The following HMCN1 variants were observed in gnomAD, a reference collection of about 807,000 sequenced individuals.
The protein encoded by HMCN1 is hemicentin 1, also known as hemicentin-1.
HMCN1 carries 321 observed loss-of-function variants against 625.9 expected under a neutral mutation model. The observed-to-expected ratio is 0.51, with a 90% CI of 0.47 to 0.56. The LOEUF (loss-of-function observed/expected upper bound fraction) is 0.56, where lower values mean the gene tolerates loss of function less well. HMCN1 is among the 20% of genes least tolerant of loss of function. The pLI is 0.00. For synonymous variants in HMCN1, 2,425 were observed against 2,417.6 expected (o/e 1.00, Z -0.09); for missense variants, 6,588 against 6,887.3 (o/e 0.96, Z 1.54).
chr1:185,923,941 C>T (rs1667132593), intron 8 of HMCN1, among the ~76,000 whole-genome samples: 2 of 152,140 alleles, frequency 1.3e-5, no homozygotes, highest in South Asian at 4.1e-4. Flanking sequence ...CCTAAAAAAG[C>T]CAGGCAGATA....
At chr1:186,154,291 C>A (rs752434255) in intron 97 of HMCN1, among the ~76,000 whole-genome samples, 1 of 152,158 alleles carries the variant, frequency 6.6e-6, no homozygotes, top group East Asian at 1.9e-4. Flanking sequence ...CCTGTAATCC[C>A]AGCACTTTGG....
chr1:185,936,178 T>C (rs572294800), intron 11 of HMCN1, among the ~76,000 whole-genome samples: 2 of 152,220 alleles, frequency 1.3e-5, no homozygotes, highest in South Asian at 4.1e-4. Context: ...AAAATCTAGA[T>C]TTTACAAGTT....
chr1:185,803,053 A>T (rs1380646493), intron 1 of HMCN1, among the ~76,000 whole-genome samples: 1 of 151,968 alleles, frequency 6.6e-6, no homozygotes, highest in Non-Finnish European at 1.5e-5. Flanking sequence ...CTAGAATCCG[A>T]ATGCTTATTT....
chr1:186,144,717 A>G lies in HMCN1; in HGVS notation c.14266+14A>G. The G allele has an allele frequency of 6.2e-7, 1 of 1,613,570 alleles. No homozygotes were observed. The highest frequency in any genetic ancestry group is 8.5e-7 in the Non-Finnish European group (1 of 1,179,504). ...ACCCTTGCCCAAGTGAGTGTTGGAA[A>G]TAGTGAGTCAACATTATACTTTCAT... On this transcript the variant is annotated intron_variant, in intron 91 of 106. Transcript: ENST00000271588.
At chr1:186,005,465 A>C (rs1288217926) in intron 29 of HMCN1, among the ~76,000 whole-genome samples, 4 of 150,954 alleles carry the variant, frequency 2.6e-5, no homozygotes, top group Admixed American at 6.6e-5. Flanking sequence ...GTTTATAAAC[A>C]AGTTTTTAAT....
At chr1:185,881,240 A>G (rs1288546055) in intron 4 of HMCN1, among the ~76,000 whole-genome samples, 2 of 152,244 alleles carry the variant, frequency 1.3e-5, no homozygotes, top group Non-Finnish European at 2.9e-5. Context: ...ATGAAGTTGC[A>G]TGAACGAAAT....
chr1:185,939,474 A>C (rs1426933812), intron 11 of HMCN1, among the ~76,000 whole-genome samples: 1 of 152,242 alleles, frequency 6.6e-6, no homozygotes. Flanking sequence ...AAACGTGTAC[A>C]TGATTGTTTG....
chr1:186,108,647 A>T, intron 71 of HMCN1, 50 bp downstream of exon 71: 1 of 1,607,626 alleles, frequency 6.2e-7, no homozygotes, highest in Non-Finnish European at 8.5e-7. Flanking sequence ...TGAAAAAAGT[A>T]AAAAAATCAG....
At chr1:186,162,474 T>TGGA (rs577827978) in intron 97 of HMCN1, among the ~76,000 whole-genome samples, 57,206 of 151,770 alleles carry the variant, frequency 0.38, 11,372 homozygotes, top group African/African-American at 0.49. Context: ...TGTGATCCTT[T>TGGA]GGAGGAGAGG....
chr1:186,162,344 C>T (rs1361749713), intron 97 of HMCN1, among the ~76,000 whole-genome samples: 1 of 152,074 alleles, frequency 6.6e-6, no homozygotes, highest in East Asian at 1.9e-4. Context: ...AAGTTTTTAA[C>T]TTCTTTGCCT....
At chr1:185,897,958 C>T (rs1163542397) in intron 4 of HMCN1, among the ~76,000 whole-genome samples, 1 of 152,100 alleles carries the variant, frequency 6.6e-6, no homozygotes, top group Non-Finnish European at 1.5e-5. Context: ...TCCAGTTGAT[C>T]CTATAAAATG....
chr1:185,894,379 A>C (rs1270952884), intron 4 of HMCN1, among the ~76,000 whole-genome samples: 1 of 152,110 alleles, frequency 6.6e-6, no homozygotes, highest in Non-Finnish European at 1.5e-5. Flanking sequence ...ACCACAGTCT[A>C]TTTCTCCATT....
intron 1 of HMCN1, among the ~76,000 whole-genome samples, chr1:185,815,783 A>G (rs1324979735): frequency 6.7e-6 from 1 of 150,344 alleles, no homozygotes; most frequent in East Asian, 1.9e-4. Context: ...GAAAGTAAAT[A>G]TAACTGACAA....
intron 56 of HMCN1, 33 bp downstream of exon 56, chr1:186,081,427 G>C (rs760879557): frequency 6.7e-7 from 1 of 1,490,566 alleles, no homozygotes; most frequent in Non-Finnish European, 9.3e-7. Context: ...TTTTAAAAGA[G>C]CTATTTGACT....
chr1:186,176,800 A>G (rs1463868296), intron 103 of HMCN1: 1 of 152,362 alleles, frequency 6.6e-6, no homozygotes, highest in Non-Finnish European at 1.5e-5. Context: ...GAAAGGAAAC[A>G]TAAAACATAA....
chr1:186,054,007 G>C (rs781540721), intron 44 of HMCN1, 21 bp downstream of exon 44: 8 of 1,609,248 alleles, frequency 5.0e-6, no homozygotes, highest in Middle Eastern at 1.6e-4. Context: ...GATTAGCCAG[G>C]CTTTGGCAAA....
At chr1:185,834,934 T>G (rs1014789423) in intron 1 of HMCN1, among the ~76,000 whole-genome samples, 1 of 152,166 alleles carries the variant, frequency 6.6e-6, no homozygotes, top group South Asian at 2.1e-4. Flanking sequence ...GCCTCTTATA[T>G]AGAAAAAATA....
rs775217262 is a variant in HMCN1, at chr1:185,989,531, G to C, written c.3092G>C (p.Gly1031Ala). The change falls in exon 21 of 107, where the codon GGA becomes GCA. Residue 1031 changes from glycine (G) to alanine (A), a missense_variant. Gly to Ala is a moderately conservative substitution (Grantham distance 60). Around this residue, in one of 3 missense-constraint regions of HMCN1, gnomAD observed 4,628 missense variants for 4,853.1 expected, o/e 0.95. Transcript: ENST00000271588. ...ISTSSAKFSAGADGSLYVVSP... is the reference protein window; with the variant it reads ...ISTSSAKFSAAADGSLYVVSP... ...ACCAGCAGTGCTAAGTTTTCAGCAG[G>C]AGCTGATGGTAGTCTGTATGTGGTA... 1.9e-6 allele frequency: 3 copies of C among 1,613,966 alleles called. No individual in the cohort carries two copies. In the Admixed American group the frequency reaches 5.0e-5, roughly 27 times the overall value.
chr1:186,104,735 A>T, intron 69 of HMCN1, among the ~76,000 whole-genome samples: 1 of 152,212 alleles, frequency 6.6e-6, no homozygotes, highest in East Asian at 1.9e-4. Flanking sequence ...AAGCCTAGCC[A>T]GTGCATCTCA....
Sources: gnomAD v4.1 joint callset for allele counts (sites outside exome capture counted in the v4.1 genomes callset) on GRCh38, gnomAD v4.1.1 for gene constraint, gnomAD v4.1.1 regional missense constraint, MANE v1.5 for transcripts, NCBI Gene and HGNC (gene_info 2026-07-23, HGNC 2026-07-21) for gene names.